Variants in HSPA4 observed in about 807,000 individuals in gnomAD.
HSPA4 encodes the protein heat shock protein family A (Hsp70) member 4.
In HSPA4, 25 loss-of-function variants were observed where a neutral mutation model predicts 106.2. The ratio of observed to expected loss-of-function variants is 0.24; its 90% CI spans 0.17 to 0.33. The LOEUF (loss-of-function observed/expected upper bound fraction) is 0.33. Among genes scored for constraint, HSPA4 ranks in the 10% least tolerant of loss-of-function variants. The pLI is 1.00. For missense variants in HSPA4, 841 were observed against 996.0 expected, an observed-to-expected ratio of 0.84 and a Z score of 2.10; for synonymous variants, 332 against 333.6, an observed-to-expected ratio of 1.00 and a Z score of 0.05.
At chr5:133,064,437 C>T (rs1332581640) in intron 1 of HSPA4, among the ~76,000 whole-genome samples, 6 of 151,568 alleles carry the variant, frequency 4.0e-5, no homozygotes, top group South Asian at 2.1e-4. Flanking sequence ...ACCTGGGAGG[C>T]GGAGGTTGCA....
intron 1 of HSPA4, among the ~76,000 whole-genome samples, chr5:133,061,539 A>G (rs926596191): frequency 1.9e-4 from 29 of 152,190 alleles, no homozygotes; most frequent in African/African-American, 6.8e-4. Context: ...TAAATGTGTT[A>G]GTATTGATAA....
At chr5:133,071,931 A>G (rs1765386933) in intron 4 of HSPA4, among the ~76,000 whole-genome samples, 1 of 152,108 alleles carries the variant, frequency 6.6e-6, no homozygotes, top group South Asian at 2.1e-4. Context: ...TATTTCTTAG[A>G]TGTTTCCTAC....
chr5:133,078,825 C>T (rs532871657), intron 7 of HSPA4, among the ~76,000 whole-genome samples: 1 of 152,026 alleles, frequency 6.6e-6, no homozygotes, highest in South Asian at 2.1e-4. Flanking sequence ...CCTCTGTTTC[C>T]TGGGCTCAAG....
Position 133,068,903 on chromosome 5 carries a change from C to G in HSPA4, c.306+1346C>G, listed in dbSNP as rs117795766. ...TGGTGGAATTGACCTCAGAATTAGG[C>G]AAATAGCAGGGAAGAAAGAGATAAT... On this transcript the variant is annotated intron_variant, in intron 3 of 18. Coordinates refer to ENST00000304858, the MANE Select transcript of HSPA4 (RefSeq NM_002154.4). Among the ~76,000 whole-genome samples the G allele has an allele frequency of 7.6e-4, 116 of 152,228 alleles. No homozygotes were observed. In the East Asian group the frequency reaches 0.021, roughly 28 times the overall value.
At chr5:133,103,067 C>G (rs1273022009) in intron 17 of HSPA4, among the ~76,000 whole-genome samples, 3 of 150,810 alleles carry the variant, frequency 2.0e-5, no homozygotes, top group Non-Finnish European at 4.4e-5. Flanking sequence ...TTTTTTTCCT[C>G]CTTCTTTTTT....
At chr5:133,085,370 C>T (rs142382278) in intron 7 of HSPA4, among the ~76,000 whole-genome samples, 7 of 151,418 alleles carry the variant, frequency 4.6e-5, no homozygotes, top group East Asian at 1.9e-4. Flanking sequence ...ACTATGCAGA[C>T]GACCGGGTGC....
At chr5:133,059,718 T>G (rs2126693666) in intron 1 of HSPA4, among the ~76,000 whole-genome samples, 1 of 152,330 alleles carries the variant, frequency 6.6e-6, no homozygotes, top group East Asian at 1.9e-4. Context: ...CACACTGACT[T>G]GACTTGAATC....
Position 133,104,479 on chromosome 5 carries a change from T to G in HSPA4, c.*43T>G. 1 of 1,544,150 alleles carries G rather than the reference T, an allele frequency of 6.5e-7. No homozygotes were observed. ...ATTAAAACAGACTATTATAAAGCTT[T>G]AAGTTGTCAACTTTGTTCTAAATAT... On this transcript the variant is annotated 3_prime_UTR_variant, in exon 19 of 19. Transcript: ENST00000304858.
chr5:133,072,863 A>T (rs748290578), intron 4 of HSPA4, among the ~76,000 whole-genome samples: 4 of 152,048 alleles, frequency 2.6e-5, no homozygotes, highest in Admixed American at 2.0e-4. Context: ...ATTTAGGGAA[A>T]TTTTTTCTAT....
chr5:133,083,784 G>A (rs1765545668), intron 7 of HSPA4, among the ~76,000 whole-genome samples: 2 of 152,070 alleles, frequency 1.3e-5, no homozygotes, highest in African/African-American at 2.4e-5. Flanking sequence ...TGATCCGCCC[G>A]CCTCAGTCTC....
In HSPA4 at chr5:133,101,707, G is replaced by A. The variant is rs1045104714; in HGVS notation, c.2038-52G>A. ...TTTATCACTAGTTTTAGTGGAATCA[G>A]TACTCTGGATCGTTGAACTGCCGTA... On this transcript the variant is annotated intron_variant, in intron 16 of 18. Coordinates refer to ENST00000304858, the MANE Select transcript of HSPA4 (RefSeq NM_002154.4). 2.0e-5 allele frequency: 31 copies of A among 1,561,506 alleles called. No homozygotes were observed. The Admixed American group carries it at 4.7e-4, about 23-fold the overall frequency.
At chr5:133,077,033 C>A in intron 7 of HSPA4, 135 bp downstream of exon 7, 1 of 725,664 alleles carries the variant, frequency 1.4e-6, no homozygotes, top group Non-Finnish European at 2.2e-6. Flanking sequence ...AATTAGAAGC[C>A]ATTCAGGACC....
chr5:133,103,251 T>C (rs1483317049), intron 17 of HSPA4, among the ~76,000 whole-genome samples: 2 of 152,008 alleles, frequency 1.3e-5, no homozygotes, highest in Non-Finnish European at 2.9e-5. Context: ...TTTGTGGAGA[T>C]GGGCTCATTG....
rs563058958 is a variant in HSPA4, at chr5:133,087,850, C to T, written c.986-554C>T. On this transcript the variant is annotated intron_variant, in intron 8 of 18. Coordinates refer to ENST00000304858, the MANE Select transcript of HSPA4 (RefSeq NM_002154.4). ...TGTTGGTCAGGCTGGTTTTGAACTC[C>T]TGACCTCAGGTGATCCGCCCACTTC... Among the ~76,000 whole-genome samples, 4 of 152,290 alleles carry T rather than the reference C, an allele frequency of 2.6e-5. No homozygotes were observed. In the East Asian group the frequency reaches 5.8e-4, roughly 22 times the overall value.
chr5:133,097,134 T>G, intron 14 of HSPA4, 27 bp from the exon 15 acceptor site: 1 of 1,582,998 alleles, frequency 6.3e-7, no homozygotes, highest in South Asian at 1.1e-5. Context: ...TCCTAATGTC[T>G]GATTTATACA....
chr5:133,088,643 C>T (rs1490567033), intron 9 of HSPA4, 88 bp downstream of exon 9: 2 of 1,106,046 alleles, frequency 1.8e-6, no homozygotes, highest in East Asian at 2.4e-5. Flanking sequence ...CTGGGATTAG[C>T]TCAGGGTGAC....
At chr5:133,070,268 A>G in intron 3 of HSPA4, 106 bp from the exon 4 acceptor site, 1 of 1,074,136 alleles carries the variant, frequency 9.3e-7, no homozygotes, top group Non-Finnish European at 1.4e-6. Flanking sequence ...CCCTCTTGAG[A>G]TAATGTTGCA....
In HSPA4 at chr5:133,106,101, AATTTTTTTTT is replaced by A. The variant is rs572973453; in HGVS notation, c.*1666_*1675del. On this transcript the variant is annotated 3_prime_UTR_variant, in exon 19 of 19. Transcript: ENST00000304858. Reference sequence around the variant, plus strand: ...GGCCATTTCTTCTTAAAAAAAAAAAAATTTTTTTTTTTTTTTTTTTTTTTTTTTTTTTTTT... The same window carrying A: ...GGCCATTTCTTCTTAAAAAAAAAAAATTTTTTTTTTTTTTTTTTTTTTTTT... 20 of 80,240 alleles carry A rather than the reference AATTTTTTTTT, an allele frequency of 2.5e-4. No homozygotes were observed. Among genetic ancestry groups the A allele is most frequent in the South Asian group, 4.6e-4 (1 of 2,166 alleles). 5.0% of individuals were successfully genotyped at this position (80,240 alleles called of 1,614,324 possible). A position where few individuals can be genotyped will look rare whatever the true frequency, so the allele number is the denominator to read the frequency against.
chr5:133,102,939 A>ATTTTT (rs1765807037), intron 17 of HSPA4, among the ~76,000 whole-genome samples: 1 of 46,840 alleles, frequency 2.1e-5, no homozygotes, highest in Non-Finnish European at 4.0e-5. Context: ...TTGAGATGGC[A>ATTTTT]TTTCACCATG....
Sources: allele counts gnomAD v4.1 joint callset (sites outside exome capture counted in the v4.1 genomes callset), GRCh38; gene constraint gnomAD v4.1.1; transcripts MANE v1.5; gene names NCBI Gene and HGNC (gene_info 2026-07-23, HGNC 2026-07-21).